The following EPHA6 variants were observed in gnomAD, a reference collection of about 807,000 sequenced individuals.
EPHA6 encodes EPH receptor A6.
Under a neutral mutation model 112.0 loss-of-function variants are expected in EPHA6, and 50 were observed. The observed-to-expected ratio is 0.45, with a 90% confidence interval of 0.36 to 0.56. The LOEUF (loss-of-function observed/expected upper bound fraction) is 0.56, where lower values mean the gene tolerates loss of function less well. EPHA6 is among the 20% of genes least tolerant of loss of function. EPHA6 has a pLI of 0.00. For missense variants in EPHA6, 1,280 were observed against 1,417.4 expected, an observed-to-expected ratio of 0.90 and a Z score of 1.56; for synonymous variants, 529 against 490.7, an observed-to-expected ratio of 1.08 and a Z score of -1.03.
At chr3:97,079,790 C>A (rs1041174109) in intron 3 of EPHA6, among the ~76,000 whole-genome samples, 1 of 151,922 alleles carries the variant, frequency 6.6e-6, no homozygotes, top group African/African-American at 2.4e-5. Context: ...CCACAGCCAC[C>A]CCAGCCTTCA....
In EPHA6 at chr3:97,500,824, G is replaced by A. The variant is rs572717669; in HGVS notation, c.2200+16765G>A. ...GTTTCATAATTAATCAGTTCAATAA[G>A]GAGTATAGTTAAATTAATTTCTGTA... On this transcript the variant is annotated intron_variant, in intron 10 of 17. Coordinates refer to ENST00000389672, the MANE Select transcript of EPHA6 (RefSeq NM_001080448.3). 2.0e-5 allele frequency among the ~76,000 whole-genome samples: 3 copies of A among 152,150 alleles called. No individual in the cohort carries two copies. In the East Asian group the frequency reaches 5.8e-4, roughly 29 times the overall value.
intron 5 of EPHA6, among the ~76,000 whole-genome samples, chr3:97,339,249 G>T (rs930837244): frequency 6.6e-6 from 1 of 152,136 alleles, no homozygotes; most frequent in Non-Finnish European, 1.5e-5. Context: ...CAGGTATGCA[G>T]GACATATGTA....
chr3:96,866,944 A>G (rs2036350591), intron 2 of EPHA6, 55 bp downstream of exon 2: 2 of 1,022,082 alleles, frequency 2.0e-6, no homozygotes, highest in Non-Finnish European at 1.4e-6. Flanking sequence ...AAGATCTCCT[A>G]ATAGTTGATG....
rs191437604 is a variant in EPHA6, at chr3:97,007,405, A to C, written c.1114+19412A>C. On this transcript the variant is annotated intron_variant, in intron 3 of 17. Coordinates refer to ENST00000389672, the MANE Select transcript of EPHA6 (RefSeq NM_001080448.3). ...TCTCTGTTGGTTTAAAGTCTGTTTTATCAGAGATTAGGATTGCGGTCCCTG... is the reference window on the plus strand; with the variant it reads ...TCTCTGTTGGTTTAAAGTCTGTTTTCTCAGAGATTAGGATTGCGGTCCCTG... Among the ~76,000 whole-genome samples the C allele has an allele frequency of 2.0e-5, 3 of 148,124 alleles. No homozygotes were observed. The East Asian group carries it at 6.0e-4, about 29-fold the overall frequency.
intron 5 of EPHA6, among the ~76,000 whole-genome samples, chr3:97,292,617 G>A (rs1048535052): frequency 2.0e-5 from 3 of 152,200 alleles, no homozygotes; most frequent in African/African-American, 7.2e-5. Flanking sequence ...CAAGCATCCA[G>A]CTCACAACGG....
rs527638034 is a variant in EPHA6, at chr3:97,590,990, T to G, written c.2387-1622T>G. On this transcript the variant is annotated intron_variant, in intron 11 of 17. Transcript: ENST00000389672. ...TATTCCATGCATTCACAAGGAAGTT[T>G]GTTGCACTACTCCTTGTAAGTTACC... Among the ~76,000 whole-genome samples the G allele has an allele frequency of 1.2e-4, 18 of 152,348 alleles. No homozygotes were observed. The East Asian group carries it at 3.5e-3, about 29-fold the overall frequency.
chr3:97,640,687 G>C (rs914249960), intron 14 of EPHA6, among the ~76,000 whole-genome samples: 1 of 152,124 alleles, frequency 6.6e-6, no homozygotes, highest in Non-Finnish European at 1.5e-5. Flanking sequence ...GGCTGAGGCA[G>C]GAGAACCGCT....
At chr3:97,033,260 T>C (rs1246858726) in intron 3 of EPHA6, among the ~76,000 whole-genome samples, 1 of 151,972 alleles carries the variant, frequency 6.6e-6, no homozygotes, top group Non-Finnish European at 1.5e-5. Context: ...ATGATTGTAG[T>C]TAAAGCATTC....
At chr3:97,643,097 C>G (rs1367818686) in intron 14 of EPHA6, among the ~76,000 whole-genome samples, 4 of 152,180 alleles carry the variant, frequency 2.6e-5, no homozygotes, top group Non-Finnish European at 5.9e-5. Flanking sequence ...GATCTCTCGG[C>G]AGAAACCCTG....
At chr3:97,263,994 C>T (rs2079587644) in intron 5 of EPHA6, among the ~76,000 whole-genome samples, 1 of 152,074 alleles carries the variant, frequency 6.6e-6, no homozygotes, top group Admixed American at 6.5e-5. Flanking sequence ...TTTATGCGTC[C>T]CCCTAGAATC....
intron 11 of EPHA6, among the ~76,000 whole-genome samples, chr3:97,576,134 T>C (rs763830548): frequency 9.9e-5 from 15 of 152,156 alleles, no homozygotes; most frequent in Non-Finnish European, 1.9e-4. Flanking sequence ...GGATTTTGAA[T>C]AGGAAAGTTA....
intron 3 of EPHA6, among the ~76,000 whole-genome samples, chr3:97,157,130 G>A (rs549758634): frequency 2.0e-5 from 3 of 152,250 alleles, no homozygotes; most frequent in African/African-American, 4.8e-5. Flanking sequence ...AGGATTAAGT[G>A]TTAGTGTTTT....
Position 97,592,709 on chromosome 3 carries a change from A to T in EPHA6, c.2484A>T (p.Gly828=), listed in dbSNP as rs778633789. ...SIQAPHPVPG[G]GSLPPRIPAG... is the part of the protein sequence containing the mutation. Reference sequence around the variant, plus strand: ...AGGCCCCGCATCCAGTGCCAGGGGGAGGATCTTTGCCCCCCAGGATTCCTG... The same window carrying T: ...AGGCCCCGCATCCAGTGCCAGGGGGTGGATCTTTGCCCCCCAGGATTCCTG... The change falls in exon 12 of 18, where the codon GGA becomes GGT. Residue 828 remains glycine, a synonymous_variant. Coordinates refer to ENST00000389672, the MANE Select transcript of EPHA6 (RefSeq NM_001080448.3). 6.2e-7 allele frequency: 1 copy of T among 1,601,632 alleles called. No homozygotes were observed. Among genetic ancestry groups the T allele is most frequent in the Non-Finnish European group, 8.5e-7 (1 of 1,176,150 alleles).
intron 4 of EPHA6, among the ~76,000 whole-genome samples, chr3:97,234,755 T>C (rs1374421188): frequency 6.6e-6 from 1 of 152,164 alleles, no homozygotes; most frequent in Non-Finnish European, 1.5e-5. Context: ...TTTTATCTTT[T>C]CATATGTTCT....
At chr3:96,887,073 C>G (rs189672632) in intron 2 of EPHA6, among the ~76,000 whole-genome samples, 1 of 152,248 alleles carries the variant, frequency 6.6e-6, no homozygotes, top group Admixed American at 6.5e-5. Context: ...GTCCTGAATT[C>G]TTTTTGAGGT....
At chr3:97,635,391 C>A (rs1211555262) in intron 13 of EPHA6, among the ~76,000 whole-genome samples, 5 of 151,932 alleles carry the variant, frequency 3.3e-5, no homozygotes, top group African/African-American at 1.2e-4. Context: ...AAATAACTTG[C>A]ATAATAGCCA....
intron 11 of EPHA6, among the ~76,000 whole-genome samples, chr3:97,587,666 T>C (rs146033189): frequency 2.0e-5 from 3 of 152,316 alleles, no homozygotes; most frequent in East Asian, 1.9e-4. Flanking sequence ...TGGTGGTTTT[T>C]TGTGGCCTCC....
chr3:97,615,972 G>A (rs1051010484), intron 13 of EPHA6, among the ~76,000 whole-genome samples: 7 of 152,164 alleles, frequency 4.6e-5, no homozygotes, highest in Non-Finnish European at 1.0e-4. Context: ...CTACAAAAAA[G>A]TGACTAGACT....
chr3:97,151,437 A>T (rs2076168606), intron 3 of EPHA6, among the ~76,000 whole-genome samples: 1 of 152,114 alleles, frequency 6.6e-6, no homozygotes, highest in Non-Finnish European at 1.5e-5. Flanking sequence ...TAATCAATAA[A>T]ACTAGAATAA....
Sources: gnomAD v4.1 joint callset for allele counts (sites outside exome capture counted in the v4.1 genomes callset) on GRCh38, gnomAD v4.1.1 for gene constraint, MANE v1.5 for transcripts, NCBI Gene and HGNC (gene_info 2026-07-23, HGNC 2026-07-21) for gene names.